IL1RL1: variants seen among roughly 807,000 people sequenced by gnomAD.
IL1RL1 encodes interleukin 1 receptor like 1.
Under a neutral mutation model 50.9 loss-of-function variants are expected in IL1RL1, and 32 were observed. The observed-to-expected ratio is 0.63, with a 90% CI of 0.47 to 0.84. The LOEUF (loss-of-function observed/expected upper bound fraction) is 0.84, where lower values mean the gene tolerates loss of function less well. Among genes scored for constraint, IL1RL1 ranks in the 40% least tolerant of loss-of-function variants. The pLI is 0.00. For missense variants in IL1RL1, 773 were observed against 662.9 expected, an observed-to-expected ratio of 1.17 and a Z score of -1.82; for synonymous variants, 275 against 236.0, an observed-to-expected ratio of 1.17 and a Z score of -1.51.
chr2:102,325,718 T>C (rs1051509470), intron 1 of IL1RL1, among the ~76,000 whole-genome samples: 1 of 152,296 alleles, frequency 6.6e-6, no homozygotes, highest in Non-Finnish European at 1.5e-5. Context: ...CAAGCCTCAG[T>C]AGCCGATTTG....
chr2:102,351,849 C>T lies in IL1RL1; in HGVS notation c.1599C>T (p.Tyr533=), dbSNP rs1478201247. The change falls in exon 11 of 11, where the codon TAC becomes TAT. Residue 533 remains tyrosine (Y), a synonymous_variant. Transcript: ENST00000233954. ...LNSKFWKHVR[Y]QMPVPSKIPR... is the part of the protein sequence containing the mutation. ...CTAAATTCTGGAAGCACGTGAGGTA[C>T]CAAATGCCTGTGCCAAGCAAAATTC... 1.2e-6 allele frequency: 2 copies of T among 1,613,920 alleles called. No individual in the cohort carries two copies. Among genetic ancestry groups the T allele is most frequent in the Middle Eastern group, 1.7e-4 (1 of 6,050 alleles).
At chr2:102,336,693 T>TC (rs1203363407) in intron 1 of IL1RL1, among the ~76,000 whole-genome samples, 1 of 152,176 alleles carries the variant, frequency 6.6e-6, no homozygotes, top group African/African-American at 2.4e-5. Context: ...AAGCTCCTTT[T>TC]TTTTTTTCTT....
In IL1RL1 at chr2:102,338,120, G is replaced by C. The variant is rs1677395971; in HGVS notation, c.-145G>C. ...TTTGTCTAACTTATTTTTCAGTTGAGATATAGGCTACTCTTCCCAACTCAG... is the reference window on the plus strand; with the variant it reads ...TTTGTCTAACTTATTTTTCAGTTGACATATAGGCTACTCTTCCCAACTCAG... On this transcript the variant is annotated 5_prime_UTR_variant, in exon 2 of 11. Transcript: ENST00000233954. The C allele has an allele frequency of 2.0e-6, 1 of 497,428 alleles. No homozygotes were observed. The allele number at this position is 497,428 out of a possible 1,614,324, so 30.8% of individuals were successfully genotyped here.
chr2:102,328,717 C>A (rs1677086968), intron 1 of IL1RL1, among the ~76,000 whole-genome samples: 2 of 152,282 alleles, frequency 1.3e-5, no homozygotes, highest in East Asian at 1.9e-4. Flanking sequence ...ACAGCCAAAT[C>A]ATGAGTGAAC....
intron 1 of IL1RL1, among the ~76,000 whole-genome samples, chr2:102,317,605 A>G (rs1218029197): frequency 6.6e-6 from 1 of 152,112 alleles, no homozygotes; most frequent in African/African-American, 2.4e-5. Flanking sequence ...CAATATGTCA[A>G]TTACTTCATA....
chr2:102,339,698 T>A (rs909304138), intron 3 of IL1RL1, among the ~76,000 whole-genome samples: 11 of 152,218 alleles, frequency 7.2e-5, no homozygotes, highest in African/African-American at 2.7e-4. Flanking sequence ...GTAAAATGCA[T>A]ATAATGTAAT....
intron 1 of IL1RL1, among the ~76,000 whole-genome samples, chr2:102,326,541 A>G (rs1389750291): frequency 6.6e-6 from 1 of 152,222 alleles, no homozygotes; most frequent in African/African-American, 2.4e-5. Flanking sequence ...TGCTCCAATT[A>G]AAAGACACAG....
rs10192036 is a variant in IL1RL1, at chr2:102,351,751, C to T, written c.1501C>T (p.Gln501Ter). Residue 501 changes from glutamine to a stop codon, truncating the protein, a stop_gained, in exon 11 of 11, where the codon CAG (glutamine) becomes TAG (stop). Transcript: ENST00000233954. LOFTEE classifies it low-confidence loss of function (END_TRUNC). ...LQAEALQDSL[Q>*]HLMKVQGTIK... ...GGCTGAGGCGCTTCAGGACTCCCTC[C>T]AGCATCTTATGAAAGTACAGGGGAC... 6.2e-7 allele frequency: 1 copy of T among 1,612,682 alleles called. No individual in the cohort carries two copies. The highest frequency in any genetic ancestry group is 1.7e-5 in the Admixed American group (1 of 59,960).
At chr2:102,345,329 C>T (rs1381882387) in intron 8 of IL1RL1, 1 of 985,292 alleles carries the variant, frequency 1.0e-6, no homozygotes, top group East Asian at 1.1e-4. Context: ...CTCACTTGTT[C>T]TTCACATATC....
chr2:102,351,176 A>C (rs537653512), intron 10 of IL1RL1, among the ~76,000 whole-genome samples: 7 of 152,334 alleles, frequency 4.6e-5, no homozygotes, highest in Admixed American at 3.3e-4. Context: ...ACATATAAGC[A>C]AATATTCTAA....
intron 10 of IL1RL1, among the ~76,000 whole-genome samples, chr2:102,350,527 G>A (rs896595598): frequency 1.3e-5 from 2 of 152,232 alleles, no homozygotes; most frequent in Non-Finnish European, 2.9e-5. Context: ...CTTCACTTAG[G>A]AAAGTTCATG....
At position 102,338,940 on chromosome 2, in the gene IL1RL1, A is replaced by C; in HGVS notation, c.165A>C (p.Lys55Asn). 1 of 1,613,936 alleles carries C rather than the reference A, an allele frequency of 6.2e-7. No individual in the cohort carries two copies. Among genetic ancestry groups the C allele is most frequent in the Non-Finnish European group, 8.5e-7 (1 of 1,179,870 alleles). ...TVDWYYSQTNKSIPTQERNRV... is the reference protein window; with the variant it reads ...TVDWYYSQTNNSIPTQERNRV... ...ATTGGTATTACTCACAAACAAACAA[A>C]AGTATTCCCACTCAGGAAAGAAATC... The change falls in exon 3 of 11, where the codon AAA becomes AAC. Residue 55 changes from lysine to asparagine, a missense_variant. By Grantham distance (94) the Lys-to-Asn change is moderately conservative (BLOSUM62 0). Transcript: ENST00000233954.
chr2:102,352,107 C>A (rs1677953406), downstream of IL1RL1: 2 of 564,354 alleles, frequency 3.5e-6, no homozygotes, highest in Non-Finnish European at 6.1e-6. Context: ...AGAAATTTTT[C>A]TCCTCAATCC....
Position 102,321,058 on chromosome 2 carries a change from A to G in IL1RL1, c.-150+9435A>G, listed in dbSNP as rs535696007. Among the ~76,000 whole-genome samples the G allele has an allele frequency of 8.5e-5, 13 of 152,218 alleles. No individual in the cohort carries two copies. The South Asian group carries it at 2.3e-3, about 27-fold the overall frequency. ...GCCCTGTTGGCCATGTGGCTTCCCTACTGGCCCTCGGACACACCAGGCTTG... is the reference window on the plus strand; with the variant it reads ...GCCCTGTTGGCCATGTGGCTTCCCTGCTGGCCCTCGGACACACCAGGCTTG... On this transcript the variant is annotated intron_variant, in intron 1 of 10. Transcript: ENST00000233954.
downstream of IL1RL1, among the ~76,000 whole-genome samples, chr2:102,352,253 T>A (rs1677956825): frequency 6.7e-6 from 1 of 149,878 alleles, no homozygotes; most frequent in African/African-American, 2.5e-5. Flanking sequence ...TTGTCAATAA[T>A]CTGAATAGCA....
At chr2:102,324,879 G>A (rs191453763) in intron 1 of IL1RL1, among the ~76,000 whole-genome samples, 308 of 152,314 alleles carry the variant, frequency 2.0e-3, no homozygotes, top group African/African-American at 6.5e-3. Flanking sequence ...AGAGCCCACT[G>A]CAGCTCAAGG....
intron 1 of IL1RL1, among the ~76,000 whole-genome samples, chr2:102,330,963 G>C (rs73002495): frequency 0.018 from 2,754 of 152,062 alleles, 63 homozygotes; most frequent in African/African-American, 0.061. Flanking sequence ...TTTTCACATA[G>C]AGAGTCAATT....
At chr2:102,334,366 T>G (rs1247701413) in intron 1 of IL1RL1, among the ~76,000 whole-genome samples, 1 of 150,786 alleles carries the variant, frequency 6.6e-6, no homozygotes, top group African/African-American at 2.4e-5. Context: ...GGGCCTAGAG[T>G]TTGGAGTATG....
Position 102,351,944 on chromosome 2 carries a change from C to T in IL1RL1, c.*23C>T, listed in dbSNP as rs1302697645. ...TAGTGCCTGCTGTGATGTGCAAAGG[C>T]ATCTGAGTTTGAAGCTTTCCTGACT... On this transcript the variant is annotated 3_prime_UTR_variant, in exon 11 of 11. Transcript: ENST00000233954. 6.3e-7 allele frequency: 1 copy of T among 1,578,214 alleles called. No individual in the cohort carries two copies. Among genetic ancestry groups the T allele is most frequent in the South Asian group, 1.2e-5 (1 of 85,056 alleles).
Sources: allele counts gnomAD v4.1 joint callset (sites outside exome capture counted in the v4.1 genomes callset), GRCh38; gene constraint gnomAD v4.1.1; transcripts MANE v1.5; gene names NCBI Gene and HGNC (gene_info 2026-07-23, HGNC 2026-07-21).